Variants in CPNE8 observed in about 807,000 individuals in gnomAD.
CPNE8 encodes the protein copine 8.
In CPNE8, 45 loss-of-function variants were observed where a neutral mutation model predicts 81.5. The ratio of observed to expected loss-of-function variants is 0.55; its 90% CI spans 0.44 to 0.71. The LOEUF (loss-of-function observed/expected upper bound fraction) is 0.71, where lower values mean the gene tolerates loss of function less well. Ranked by LOEUF, CPNE8 falls within the 30% of genes least tolerant of loss-of-function variation. The probability of loss-of-function intolerance (pLI) is 0.00; values close to 1 mark genes in which losing one functional copy is unlikely to be tolerated. For synonymous variants in CPNE8, 252 were observed against 226.3 expected (o/e 1.11, Z -1.02); for missense variants, 594 against 672.1 (o/e 0.88, Z 1.28).
At chr12:38,655,068 A>G (rs1439323148) in intron 19 of CPNE8, among the ~76,000 whole-genome samples, 2 of 152,178 alleles carry the variant, frequency 1.3e-5, no homozygotes, top group Non-Finnish European at 2.9e-5. Context: ...AGATTTGGGT[A>G]TATTTCTTAT....
Position 38,837,112 on chromosome 12 carries a change from A to G in CPNE8, c.330+2804T>C, listed in dbSNP as rs189451866. On this transcript the variant is annotated intron_variant, in intron 5 of 19. Transcript: ENST00000331366. The stretch of plus-strand genomic sequence containing the variant: ...GGACCTACAGGAGACGATGCAATAT[A>G]TCGGTAGAAAAGTAATGAGAATCTG... 2.8e-4 allele frequency among the ~76,000 whole-genome samples: 42 copies of G among 152,258 alleles called. 1 individual carries two copies. Among genetic ancestry groups the G allele is most frequent in the Admixed American group, 2.6e-3 (40 of 15,284 alleles).
At position 38,837,222 on chromosome 12, in the gene CPNE8, C is replaced by T. The variant is rs1214550767; in HGVS notation, c.330+2694G>A. Among the ~76,000 whole-genome samples the T allele has an allele frequency of 2.0e-5, 3 of 152,104 alleles. No individual in the cohort carries two copies. In the Middle Eastern group the frequency reaches 0.01, roughly 517 times the overall value. ...TTAGAAGGAATAGGACTTGGTGGCT[C>T]AGTAAAAGTCAAACGTGACACAGAA... On this transcript the variant is annotated intron_variant, in intron 5 of 19. Transcript: ENST00000331366.
At chr12:38,701,333 C>T (rs1209550525) in intron 14 of CPNE8, among the ~76,000 whole-genome samples, 1 of 152,122 alleles carries the variant, frequency 6.6e-6, no homozygotes, top group Non-Finnish European at 1.5e-5. Context: ...TTATCTGTTT[C>T]TTCTCAAGTC....
At chr12:38,806,306 T>A (rs368580641) in intron 6 of CPNE8, among the ~76,000 whole-genome samples, 3 of 149,832 alleles carry the variant, frequency 2.0e-5, no homozygotes, top group Non-Finnish European at 3.0e-5. Context: ...CCAAAAAAGA[T>A]AATTTTAGAC....
At chr12:38,869,999 G>C (rs750393220) in intron 3 of CPNE8, among the ~76,000 whole-genome samples, 1 of 152,140 alleles carries the variant, frequency 6.6e-6, no homozygotes, top group Admixed American at 6.5e-5. Flanking sequence ...CCCAAAAATT[G>C]ATTGGTAAAG....
At chr12:38,834,911 C>G (rs2137032706) in intron 5 of CPNE8, among the ~76,000 whole-genome samples, 1 of 150,488 alleles carries the variant, frequency 6.6e-6, no homozygotes, top group Non-Finnish European at 1.5e-5. Context: ...GGAGTTCACT[C>G]TGTCACCAGG....
intron 19 of CPNE8, among the ~76,000 whole-genome samples, chr12:38,664,240 T>A (rs996200776): frequency 6.6e-6 from 1 of 152,054 alleles, no homozygotes; most frequent in African/African-American, 2.4e-5. Context: ...ACCCTATAAA[T>A]ATGTATAATG....
intron 1 of CPNE8, among the ~76,000 whole-genome samples, chr12:38,891,950 G>A (rs1224225264): frequency 6.6e-6 from 1 of 152,158 alleles, no homozygotes; most frequent in Non-Finnish European, 1.5e-5. Flanking sequence ...AGACAGGCGT[G>A]CAAAAACCTA....
At chr12:38,724,334 CAGTATTTTTTCT>C (rs1940642535) in intron 12 of CPNE8, among the ~76,000 whole-genome samples, 6 of 148,544 alleles carry the variant, frequency 4.0e-5, no homozygotes, top group Non-Finnish European at 8.9e-5. Flanking sequence ...AAAAACTCTG[CAGTATTTTTTCT>C]TAAAATAGGA....
intron 10 of CPNE8, among the ~76,000 whole-genome samples, chr12:38,742,570 C>T (rs1224876562): frequency 6.6e-6 from 1 of 151,316 alleles, no homozygotes; most frequent in Admixed American, 6.6e-5. Flanking sequence ...AGGAGATATA[C>T]CTAATGTAAA....
intron 11 of CPNE8, among the ~76,000 whole-genome samples, chr12:38,725,726 A>C (rs1214744951): frequency 2.0e-5 from 3 of 152,214 alleles, no homozygotes; most frequent in Non-Finnish European, 4.4e-5. Context: ...AAAGCAACTG[A>C]CCCAGGTTGG....
At chr12:38,846,659 T>C (rs1433638809) in intron 4 of CPNE8, among the ~76,000 whole-genome samples, 1 of 152,140 alleles carries the variant, frequency 6.6e-6, no homozygotes, top group Non-Finnish European at 1.5e-5. Flanking sequence ...ATGACTCAAT[T>C]CATATAATTA....
At chr12:38,797,839 C>A (rs1029985433) in intron 6 of CPNE8, among the ~76,000 whole-genome samples, 2 of 152,048 alleles carry the variant, frequency 1.3e-5, no homozygotes, top group Non-Finnish European at 2.9e-5. Context: ...ATAACCAATA[C>A]AGAAAAGTGC....
intron 6 of CPNE8, among the ~76,000 whole-genome samples, chr12:38,820,512 A>G (rs1215971655): frequency 6.6e-6 from 1 of 152,214 alleles, no homozygotes; most frequent in Non-Finnish European, 1.5e-5. Flanking sequence ...AAAACTAATA[A>G]ACAAGCTTTA....
intron 6 of CPNE8, among the ~76,000 whole-genome samples, chr12:38,812,051 G>A (rs1413925866): frequency 6.6e-6 from 1 of 152,080 alleles, no homozygotes; most frequent in Non-Finnish European, 1.5e-5. Flanking sequence ...AAGGATAACG[G>A]GCAATATAAA....
chr12:38,808,727 C>T (rs981247373), intron 6 of CPNE8, among the ~76,000 whole-genome samples: 1 of 151,118 alleles, frequency 6.6e-6, no homozygotes, highest in African/African-American at 2.4e-5. Context: ...ACATTGTGCA[C>T]ATGTACCCTA....
chr12:38,738,387 G>A lies in CPNE8; in HGVS notation c.723-8029C>T, dbSNP rs192745186. Among the ~76,000 whole-genome samples the A allele has an allele frequency of 1.6e-3, 245 of 152,180 alleles. 1 individual carries two copies. Among genetic ancestry groups the A allele is most frequent in the African/African-American group, 5.6e-3 (231 of 41,528 alleles). On this transcript the variant is annotated intron_variant, in intron 10 of 19. Coordinates refer to ENST00000331366, the MANE Select transcript of CPNE8 (RefSeq NM_153634.3). Reference sequence around the variant, plus strand: ...GTCATTTTCAATCAATCAATATGTAGAGACAATTTAGATAATTCAAGTCCC... The same window carrying A: ...GTCATTTTCAATCAATCAATATGTAAAGACAATTTAGATAATTCAAGTCCC...
At chr12:38,786,616 T>C (rs962423266) in intron 6 of CPNE8, among the ~76,000 whole-genome samples, 16 of 152,234 alleles carry the variant, frequency 1.1e-4, no homozygotes, top group African/African-American at 3.6e-4. Context: ...ATTCCATTAG[T>C]TCTGTCCCAA....
intron 13 of CPNE8, among the ~76,000 whole-genome samples, chr12:38,710,440 C>G (rs1041499169): frequency 6.6e-6 from 1 of 152,098 alleles, no homozygotes; most frequent in Non-Finnish European, 1.5e-5. Flanking sequence ...CACTAGCTAG[C>G]TAGTTGTGAC....
Sources: allele counts gnomAD v4.1 joint callset (sites outside exome capture counted in the v4.1 genomes callset), GRCh38; gene constraint gnomAD v4.1.1; transcripts MANE v1.5; gene names NCBI Gene and HGNC (gene_info 2026-07-23, HGNC 2026-07-21).